TBC1D21: variants seen among roughly 807,000 people sequenced by gnomAD.
TBC1D21 encodes the protein TBC1 domain family member 21, also known as male germ cell Rab GTPase-activating protein.
Under a neutral mutation model 46.0 loss-of-function variants are expected in TBC1D21, and 38 were observed. That is an observed-to-expected ratio of 0.83 (90% CI 0.64 to 1.08). The LOEUF (loss-of-function observed/expected upper bound fraction) is 1.08. Among genes scored for constraint, TBC1D21 ranks in the 50% least tolerant of loss-of-function variants. The pLI, the probability that TBC1D21 is intolerant of heterozygous loss-of-function variation, is 0.00. For synonymous variants in TBC1D21, 151 were observed against 157.2 expected (o/e 0.96, Z 0.29); for missense variants, 415 against 417.9 (o/e 0.99, Z 0.06).
At position 73,884,194 on chromosome 15, in the gene TBC1D21, C is replaced by A. The variant is rs1281061551; in HGVS notation, c.316C>A (p.Pro106Thr). The change falls in exon 4 of 11, where the codon CCC becomes ACC. Residue 106 changes from proline (P) to threonine (T), a missense_variant. By Grantham distance (38) the Pro-to-Thr change is conservative. Transcript: ENST00000300504. Reference sequence around the variant, plus strand: ...ATGCCAAATGTATGAGAAGATTCAGCCCCTTCTGGAAAACCTGCACCGGAA... The same window carrying A: ...ATGCCAAATGTATGAGAAGATTCAGACCCTTCTGGAAAACCTGCACCGGAA... Reference protein sequence around the residue: ...ALCQMYEKIQPLLENLHRNFT... With the variant: ...ALCQMYEKIQTLLENLHRNFT... 1 of 1,614,226 alleles carries A rather than the reference C, an allele frequency of 6.2e-7. No individual in the cohort carries two copies. The highest frequency in any genetic ancestry group is 2.2e-5 in the East Asian group (1 of 44,886).
chr15:73,881,603 T>C, intron 2 of TBC1D21, 41 bp from the exon 3 acceptor site: 1 of 1,604,272 alleles, frequency 6.2e-7, no homozygotes, highest in African/African-American at 1.3e-5. Context: ...TTGGTAGGCA[T>C]CGATAGAGCC....
downstream of TBC1D21, among the ~76,000 whole-genome samples, chr15:73,891,677 C>T (rs1464187682): frequency 6.6e-6 from 1 of 152,258 alleles, no homozygotes; most frequent in African/African-American, 2.4e-5. Flanking sequence ...CTGGTGCCCA[C>T]TCTGATTTCG....
the TBC1D21 span, among the ~76,000 whole-genome samples, chr15:73,895,648 C>T: frequency 6.6e-6 from 1 of 152,166 alleles, no homozygotes; most frequent in South Asian, 2.1e-4. Flanking sequence ...TGTATGCAAT[C>T]ATTATGCAAA....
intron 3 of TBC1D21, 150 bp from the exon 4 acceptor site, chr15:73,884,001 T>G: frequency 1.4e-6 from 1 of 709,190 alleles, no homozygotes; most frequent in Non-Finnish European, 2.5e-6. Flanking sequence ...TGGCACAGGT[T>G]GAGATGAGGG....
chr15:73,876,949 G>C (rs1185840466), intron 1 of TBC1D21, among the ~76,000 whole-genome samples: 1 of 152,122 alleles, frequency 6.6e-6, no homozygotes, highest in Non-Finnish European at 1.5e-5. Flanking sequence ...TTAAGCCTCT[G>C]ACTGTTGCAT....
At chr15:73,900,825 A>G in the TBC1D21 span, among the ~76,000 whole-genome samples, 1 of 152,222 alleles carries the variant, frequency 6.6e-6, no homozygotes, top group African/African-American at 2.4e-5. Context: ...ACCTAGGAAG[A>G]GTCCCAGCTC....
the TBC1D21 span, among the ~76,000 whole-genome samples, chr15:73,894,774 T>C: frequency 1.3e-5 from 2 of 152,170 alleles, no homozygotes; most frequent in African/African-American, 4.8e-5. Context: ...CCAGCCCCCA[T>C]GGCAGAGACC....
the TBC1D21 span, among the ~76,000 whole-genome samples, chr15:73,907,528 CT>C: frequency 6.6e-6 from 1 of 152,188 alleles, no homozygotes; most frequent in South Asian, 2.1e-4. Flanking sequence ...GGGAGATGCT[CT>C]AAGATCTTTC....
the TBC1D21 span, among the ~76,000 whole-genome samples, chr15:73,906,663 G>A: frequency 2.0e-5 from 3 of 152,184 alleles, no homozygotes; most frequent in Non-Finnish European, 2.9e-5. Context: ...CAAGTGCCTC[G>A]ATTTTCCCTT....
chr15:73,905,055 G>C, the TBC1D21 span, among the ~76,000 whole-genome samples: 4 of 152,208 alleles, frequency 2.6e-5, no homozygotes, highest in Non-Finnish European at 5.9e-5. Context: ...GGGCCCAGGA[G>C]GGTGCAGCCC....
intron 4 of TBC1D21, among the ~76,000 whole-genome samples, chr15:73,884,463 G>T (rs2068206967): frequency 6.6e-6 from 1 of 152,234 alleles, no homozygotes; most frequent in Admixed American, 6.5e-5. Context: ...GGTGCATGAT[G>T]TTCCTGCTGC....
intron 1 of TBC1D21, 135 bp downstream of exon 1, chr15:73,873,904 T>C: frequency 1.0e-6 from 1 of 980,850 alleles, no homozygotes; most frequent in Non-Finnish European, 1.6e-6. Flanking sequence ...GGTTGTACCT[T>C]ACTCTTACCA....
At chr15:73,902,194 G>C in the TBC1D21 span, among the ~76,000 whole-genome samples, 2 of 152,282 alleles carry the variant, frequency 1.3e-5, no homozygotes, top group South Asian at 4.1e-4. Context: ...GATATTTTGG[G>C]GGACTATTAT....
Position 73,888,466 on chromosome 15 carries a change from C to G in TBC1D21, c.931C>G (p.Leu311Val), listed in dbSNP as rs765152821. 4.3e-6 allele frequency: 7 copies of G among 1,613,984 alleles called. No homozygotes were observed. The highest frequency in any genetic ancestry group is 5.1e-6 in the Non-Finnish European group (6 of 1,180,018). Residue 311 changes from leucine (L) to valine (V), a missense_variant, in exon 10 of 11, where the codon CTG becomes GTG. By Grantham distance (32) the Leu-to-Val change is conservative. Transcript: ENST00000300504. ...NNLIDLDADE[L>V]ISAACVVYAE... Reference sequence around the variant, plus strand: ...CCTCATCGACCTTGATGCTGATGAGCTGATCTCTGCCGCCTGCGTGGTTTA... The same window carrying G: ...CCTCATCGACCTTGATGCTGATGAGGTGATCTCTGCCGCCTGCGTGGTTTA...
chr15:73,881,873 C>A, intron 3 of TBC1D21, 126 bp downstream of exon 3: 2 of 816,296 alleles, frequency 2.5e-6, no homozygotes, highest in Non-Finnish European at 4.0e-6. Flanking sequence ...CCCATGCCTC[C>A]TGACCCAGGC....
At chr15:73,884,321 C>A in intron 4 of TBC1D21, 76 bp downstream of exon 4, 1 of 1,332,714 alleles carries the variant, frequency 7.5e-7, no homozygotes, top group Non-Finnish European at 1.1e-6. Context: ...CAGCCACTTC[C>A]AGGGAGGGAT....
At chr15:73,882,649 T>C (rs2068175123) in intron 3 of TBC1D21, among the ~76,000 whole-genome samples, 1 of 152,208 alleles carries the variant, frequency 6.6e-6, no homozygotes, top group Non-Finnish European at 1.5e-5. Flanking sequence ...AGCACTCTGA[T>C]TTACACCCTG....
In TBC1D21 at chr15:73,887,661, G is replaced by A. The variant is rs144648348; in HGVS notation, c.819G>A (p.Leu273=). The A allele has an allele frequency of 1.6e-4, 260 of 1,614,096 alleles. 1 individual carries two copies. The African/African-American group carries it at 3.0e-3, about 18-fold the overall frequency. Residue 273 remains leucine (L), a synonymous_variant, in exon 9 of 11, where the codon CTG becomes CTA. Transcript: ENST00000300504. ...TGKPCRNFQV[L]VAYSMLQMVR... ...AGCCCTGCAGGAACTTCCAGGTGCTGGTGGCCTACAGCATGCTGCAGATGG... is the reference window on the plus strand; with the variant it reads ...AGCCCTGCAGGAACTTCCAGGTGCTAGTGGCCTACAGCATGCTGCAGATGG...
Position 73,880,640 on chromosome 15 carries a change from G to A in TBC1D21, c.61-759G>A, listed in dbSNP as rs539420815. On this transcript the variant is annotated intron_variant, in intron 1 of 10. Coordinates refer to ENST00000300504, the MANE Select transcript of TBC1D21 (RefSeq NM_153356.3). ...ACAAAAATTAGTTGGGTGTGGTGGC[G>A]CGTGCCTATAGTCCCAGCTACTCAG... 9.2e-5 allele frequency among the ~76,000 whole-genome samples: 14 copies of A among 152,150 alleles called. No homozygotes were observed. In the East Asian group the frequency reaches 9.7e-4, roughly 10 times the overall value.
Sources: gnomAD v4.1 joint callset for allele counts (sites outside exome capture counted in the v4.1 genomes callset) on GRCh38, gnomAD v4.1.1 for gene constraint, MANE v1.5 for transcripts, NCBI Gene and HGNC (gene_info 2026-07-23, HGNC 2026-07-21) for gene names.